The following USP24 variants were observed in gnomAD, a reference collection of about 807,000 sequenced individuals.
USP24 encodes the protein ubiquitin carboxyl-terminal hydrolase 24.
Under a neutral mutation model 361.6 loss-of-function variants are expected in USP24, and 97 were observed. The ratio of observed to expected loss-of-function variants is 0.27; its 90% confidence interval spans 0.23 to 0.32. USP24 has a LOEUF of 0.32. Among genes scored for constraint, USP24 ranks in the 10% least tolerant of loss-of-function variants. The pLI, the probability that USP24 is intolerant of heterozygous loss-of-function variation, is 1.00. For synonymous variants in USP24, 1,098 were observed against 1,124.6 expected (o/e 0.98, Z 0.47); for missense variants, 2,353 against 3,165.6 (o/e 0.74, Z 6.16).
At chr1:55,094,128 G>C (rs1645441039) in intron 51 of USP24, 41 bp from the exon 52 acceptor site, 5 of 1,563,180 alleles carry the variant, frequency 3.2e-6, no homozygotes, top group Non-Finnish European at 4.3e-6. Flanking sequence ...GTATAAAGTG[G>C]CTATTTTTTC....
rs372786171 is a variant in USP24, at chr1:55,095,412, T to A, written c.6062-16A>T. The A allele has an allele frequency of 5.0e-6, 8 of 1,588,834 alleles. No homozygotes were observed. Among genetic ancestry groups the A allele is most frequent in the African/African-American group, 4.0e-5 (3 of 74,158 alleles). Reference sequence around the variant, plus strand: ...TATGGGTTTGCTTTATAACAAGACATTAAGAAACACATCTGTAAATAAAAG... The same window carrying A: ...TATGGGTTTGCTTTATAACAAGACAATAAGAAACACATCTGTAAATAAAAG... On this transcript the variant is annotated splice_polypyrimidine_tract_variant and intron_variant, in intron 50 of 67. Transcript: ENST00000294383.
rs1569863926 is a variant in USP24 at position 55,215,004 on chromosome 1, G to A, written c.110C>T (p.Ala37Val). The change falls in exon 1 of 68, where the codon GCC (alanine) becomes GTC (valine). Residue 37 changes from alanine to valine, a missense_variant. Around this residue, in one of 8 missense-constraint regions of USP24, gnomAD observed 253 missense variants for 255.3 expected, o/e 0.99. Transcript: ENST00000294383. ...LRLAKNDINE[A>V]VALLTNERPG... The stretch of plus-strand genomic sequence containing the variant: ...CCGCTCGTTGGTGAGCAGTGCCACG[G>A]CCTCGTTAATGTCGTTCTTGGCCAG... 2.7e-6 allele frequency: 4 copies of A among 1,470,798 alleles called. No individual in the cohort carries two copies. The highest frequency in any genetic ancestry group is 3.6e-6 in the Non-Finnish European group (4 of 1,110,348). 91.1% of individuals were successfully genotyped at this position (1,470,798 alleles called of 1,614,324 possible). A position where few individuals can be genotyped will look rare whatever the true frequency, so the allele number is the denominator to read the frequency against.
chr1:55,097,540 AAAG>A lies in USP24; in HGVS notation c.5715+55_5715+57del, dbSNP rs888363686. On this transcript the variant is annotated intron_variant, in intron 48 of 67. Coordinates refer to ENST00000294383, the MANE Select transcript of USP24 (RefSeq NM_015306.3). ...ATATGAAAATTGAAAAAGGAAAAAAAAAGAAGTGAGTGAGGAAATGAATGGTTG... is the reference window on the plus strand; with the variant it reads ...ATATGAAAATTGAAAAAGGAAAAAAAAAGTGAGTGAGGAAATGAATGGTTG... The A allele has an allele frequency of 2.4e-5, 36 of 1,515,838 alleles. No individual in the cohort carries two copies. In the African/African-American group the frequency reaches 4.9e-4, roughly 21 times the overall value. 93.9% of individuals were successfully genotyped at this position (1,515,838 alleles called of 1,614,324 possible). A position where few individuals can be genotyped will look rare whatever the true frequency, so the allele number is the denominator to read the frequency against.
intron 1 of USP24, among the ~76,000 whole-genome samples, chr1:55,183,386 T>C (rs1390515266): frequency 6.6e-6 from 1 of 152,100 alleles, no homozygotes; most frequent in Admixed American, 6.5e-5. Flanking sequence ...AATACATACA[T>C]AGAGAGAGAA....
intron 42 of USP24, 88 bp from the exon 43 acceptor site, chr1:55,101,791 T>C: frequency 2.1e-6 from 3 of 1,417,110 alleles, no homozygotes; most frequent in Non-Finnish European, 1.9e-6. Context: ...GCGGGAGATA[T>C]ATTCACAGAT....
At chr1:55,162,932 CA>C (rs1648444686) in intron 7 of USP24, among the ~76,000 whole-genome samples, 1 of 151,794 alleles carries the variant, frequency 6.6e-6, no homozygotes, top group Non-Finnish European at 1.5e-5. Flanking sequence ...AGAAATGAAC[CA>C]AATAATGAAT....
chr1:55,082,655 A>G (rs1001946025), intron 58 of USP24, among the ~76,000 whole-genome samples: 5 of 152,076 alleles, frequency 3.3e-5, no homozygotes, highest in African/African-American at 1.2e-4. Context: ...GCACGGTGGC[A>G]TGTGCCTATA....
At chr1:55,211,970 T>C (rs1032236815) in intron 1 of USP24, among the ~76,000 whole-genome samples, 1 of 152,256 alleles carries the variant, frequency 6.6e-6, no homozygotes, top group Non-Finnish European at 1.5e-5. Context: ...CCAGTTTTTT[T>C]ACTCTTCTTC....
chr1:55,099,875 T>G lies in USP24; in HGVS notation c.5272-6A>C. On this transcript the variant is annotated splice_polypyrimidine_tract_variant and splice_region_variant and intron_variant, in intron 44 of 67. Coordinates refer to ENST00000294383, the MANE Select transcript of USP24 (RefSeq NM_015306.3). Reference sequence around the variant, plus strand: ...TTATTCCACATCTTGAAAATCTATATAACAAAAATTAAATGTTTTTAAAGG... The same window carrying G: ...TTATTCCACATCTTGAAAATCTATAGAACAAAAATTAAATGTTTTTAAAGG... 1 of 1,535,778 alleles carries G rather than the reference T, an allele frequency of 6.5e-7. No homozygotes were observed. Among genetic ancestry groups the G allele is most frequent in the Non-Finnish European group, 8.8e-7 (1 of 1,138,574 alleles).
At chr1:55,089,519 A>G (rs1645328357) in intron 55 of USP24, 108 bp downstream of exon 55, 11 of 754,006 alleles carry the variant, frequency 1.5e-5, no homozygotes, top group Non-Finnish European at 2.1e-5. Flanking sequence ...ATAGACTTTA[A>G]GCAGAACAAT....
intron 52 of USP24, among the ~76,000 whole-genome samples, chr1:55,093,383 G>A (rs1051158505): frequency 6.6e-6 from 1 of 152,212 alleles, no homozygotes; most frequent in African/African-American, 2.4e-5. Flanking sequence ...AGACAGTTCT[G>A]AATTTAGATC....
chr1:55,163,736 A>G lies in USP24; in HGVS notation c.928-1472T>C, dbSNP rs546737253. Among the ~76,000 whole-genome samples the G allele has an allele frequency of 3.1e-3, 478 of 152,212 alleles. 3 individuals are homozygous for G. Among genetic ancestry groups the G allele is most frequent in the African/African-American group, 0.011 (465 of 41,550 alleles). ...GTTGACCCTTGAACAAACAAGCTTGAATTGCATGGGTTCACTTACATGCAG... is the reference window on the plus strand; with the variant it reads ...GTTGACCCTTGAACAAACAAGCTTGGATTGCATGGGTTCACTTACATGCAG... On this transcript the variant is annotated intron_variant, in intron 7 of 67. Coordinates refer to ENST00000294383, the MANE Select transcript of USP24 (RefSeq NM_015306.3).
At chr1:55,149,274 T>C (rs965468626) in intron 16 of USP24, among the ~76,000 whole-genome samples, 7 of 152,204 alleles carry the variant, frequency 4.6e-5, no homozygotes, top group Non-Finnish European at 8.8e-5. Context: ...TTTTAATAAA[T>C]AGCATCTTTC....
intron 40 of USP24, 21 bp downstream of exon 40, chr1:55,107,218 A>G: frequency 2.5e-6 from 4 of 1,600,016 alleles, no homozygotes; most frequent in Non-Finnish European, 3.4e-6. Flanking sequence ...CTGCCATGTG[A>G]TAAGATGGAG....
At chr1:55,184,118 G>A (rs772023845) in intron 1 of USP24, among the ~76,000 whole-genome samples, 2 of 152,024 alleles carry the variant, frequency 1.3e-5, no homozygotes, top group African/African-American at 4.8e-5. Context: ...GTGCAGTGGC[G>A]TAATCTCAGC....
chr1:55,078,175 G>T (rs1217169237), intron 61 of USP24, among the ~76,000 whole-genome samples: 1 of 152,160 alleles, frequency 6.6e-6, no homozygotes, highest in Non-Finnish European at 1.5e-5. Flanking sequence ...ATATAAAGAG[G>T]CCTGGAAGGA....
intron 1 of USP24, among the ~76,000 whole-genome samples, chr1:55,191,612 TC>T (rs1644290783): frequency 6.6e-6 from 1 of 151,718 alleles, no homozygotes; most frequent in South Asian, 2.1e-4. Flanking sequence ...TGTCTCAGCC[TC>T]CTGAGTAGCT....
At chr1:55,145,674 T>C (rs1225304824) in intron 20 of USP24, among the ~76,000 whole-genome samples, 4 of 152,144 alleles carry the variant, frequency 2.6e-5, no homozygotes, top group African/African-American at 9.7e-5. Context: ...AATTTAAAAA[T>C]TCAATGAAAA....
intron 1 of USP24, among the ~76,000 whole-genome samples, chr1:55,182,439 T>G (rs1319008972): frequency 6.6e-6 from 1 of 152,230 alleles, no homozygotes. Flanking sequence ...TGTGGTATTT[T>G]GTTATGGCAG....
Sources: allele counts gnomAD v4.1 joint callset (sites outside exome capture counted in the v4.1 genomes callset), GRCh38; gene constraint gnomAD v4.1.1; regional missense constraint gnomAD v4.1.1; transcripts MANE v1.5; gene names NCBI Gene and HGNC (gene_info 2026-07-23, HGNC 2026-07-21).